ATP6V0A4: variants seen among roughly 807,000 people sequenced by gnomAD.
ATP6V0A4 encodes the protein V-type proton ATPase 116 kDa subunit a 4.
Under a neutral mutation model 107.3 loss-of-function variants are expected in ATP6V0A4, and 86 were observed. That is an observed-to-expected ratio of 0.80 (90% CI 0.67 to 0.96). The LOEUF (loss-of-function observed/expected upper bound fraction) is 0.96, where lower values mean the gene tolerates loss of function less well. Among genes scored for constraint, ATP6V0A4 ranks in the 40% least tolerant of loss-of-function variants. The pLI is 0.00. For synonymous variants in ATP6V0A4, 353 were observed against 381.4 expected (o/e 0.93, Z 0.87); for missense variants, 908 against 1,045.6 (o/e 0.87, Z 1.81).
chr7:138,713,511 C>T (rs930004544), intron 20 of ATP6V0A4, among the ~76,000 whole-genome samples: 1 of 152,062 alleles, frequency 6.6e-6, no homozygotes, highest in African/African-American at 2.4e-5. Context: ...AGGCATTATG[C>T]TCAGTGCCAG....
At chr7:138,772,890 G>A (rs1807466368) in intron 2 of ATP6V0A4, among the ~76,000 whole-genome samples, 1 of 152,150 alleles carries the variant, frequency 6.6e-6, no homozygotes, top group Non-Finnish European at 1.5e-5. Flanking sequence ...AGGTGGCAGG[G>A]AAGGACACCT....
chr7:138,771,968 T>G (rs1435949621), intron 2 of ATP6V0A4, among the ~76,000 whole-genome samples: 2 of 152,190 alleles, frequency 1.3e-5, no homozygotes, highest in African/African-American at 4.8e-5. Flanking sequence ...GTGGAGGGTA[T>G]GAGAAAACAG....
chr7:138,731,204 G>A (rs1804996925), intron 17 of ATP6V0A4, among the ~76,000 whole-genome samples: 1 of 152,112 alleles, frequency 6.6e-6, no homozygotes, highest in Non-Finnish European at 1.5e-5. Flanking sequence ...CAAAGTGATG[G>A]GATTACAGGC....
chr7:138,756,571 G>A (rs762904811), intron 8 of ATP6V0A4, 31 bp from the exon 9 acceptor site: 11 of 1,598,198 alleles, frequency 6.9e-6, no homozygotes, highest in African/African-American at 1.4e-5. Context: ...AAAAAAAAAG[G>A]GGGGGGTTTC....
At chr7:138,742,483 A>C (rs986804137) in intron 14 of ATP6V0A4, among the ~76,000 whole-genome samples, 15 of 152,202 alleles carry the variant, frequency 9.9e-5, no homozygotes, top group Non-Finnish European at 1.9e-4. Context: ...TATGAGTTTA[A>C]ATCTAAAGAG....
chr7:138,770,299 T>A (rs1807318070), intron 3 of ATP6V0A4, among the ~76,000 whole-genome samples: 1 of 152,076 alleles, frequency 6.6e-6, no homozygotes, highest in Middle Eastern at 3.4e-3. Flanking sequence ...AAAGGAAGTC[T>A]GTCCTCATCT....
intron 7 of ATP6V0A4, among the ~76,000 whole-genome samples, chr7:138,761,027 G>C (rs888146010): frequency 8.6e-5 from 13 of 151,644 alleles, no homozygotes; most frequent in African/African-American, 2.4e-4. Context: ...TGCTCAGGCT[G>C]ATCTCAAACT....
chr7:138,761,167 C>T (rs985319458), intron 7 of ATP6V0A4, among the ~76,000 whole-genome samples: 1 of 152,048 alleles, frequency 6.6e-6, no homozygotes, highest in Non-Finnish European at 1.5e-5. Context: ...GAGGCCTTGT[C>T]TCTACTAAAA....
intron 1 of ATP6V0A4, among the ~76,000 whole-genome samples, chr7:138,791,456 C>CA (rs1259766638): frequency 1.3e-5 from 2 of 152,112 alleles, no homozygotes; most frequent in Non-Finnish European, 2.9e-5. Context: ...TTATTAATAA[C>CA]ATCAAGCTCC....
chr7:138,735,141 C>T (rs1412505782), intron 15 of ATP6V0A4, among the ~76,000 whole-genome samples: 2 of 152,036 alleles, frequency 1.3e-5, no homozygotes, highest in Non-Finnish European at 2.9e-5. Context: ...ACTGGGTGGT[C>T]GTGCAGGGGG....
At chr7:138,747,372 A>G in intron 13 of ATP6V0A4, 53 bp downstream of exon 13, 1 of 1,576,310 alleles carries the variant, frequency 6.3e-7, no homozygotes, top group Admixed American at 1.7e-5. Flanking sequence ...AACCACATAC[A>G]GATTTTCATA....
At position 138,762,927 on chromosome 7, in the gene ATP6V0A4, G is replaced by C; in HGVS notation, c.390C>G (p.Leu130=). ...CAAAGAAGTCTTGGGTTTTCTTCAG[G>C]AGGTATTTCAGTTCTGTCAGTTCTA... The part of the protein sequence containing the change: ...SFLELTELKY[L]LKKTQDFFET... Residue 130 remains leucine (L), a synonymous_variant, in exon 6 of 22, where the codon CTC becomes CTG. Transcript: ENST00000310018. 6.2e-7 allele frequency: 1 copy of C among 1,614,012 alleles called. No homozygotes were observed. Among genetic ancestry groups the C allele is most frequent in the South Asian group, 1.1e-5 (1 of 91,076 alleles).
chr7:138,737,115 A>AATATATAT lies in ATP6V0A4; in HGVS notation c.1572+2417_1572+2424dup, dbSNP rs1554394380. On this transcript the variant is annotated intron_variant, in intron 15 of 21. Coordinates refer to ENST00000310018, the MANE Select transcript of ATP6V0A4 (RefSeq NM_020632.3). ...GTTATGTAAAAAGTAAGCCCTTATT[A>AATATATAT]ATATATATATATGATACAAACTAAC... Among the ~76,000 whole-genome samples the AATATATAT allele has an allele frequency of 4.6e-5, 4 of 86,718 alleles. No homozygotes were observed. In the Admixed American group the frequency reaches 5.9e-4, roughly 13 times the overall value. 56.9% of individuals were successfully genotyped at this position (86,718 alleles called of 152,430 possible). A position where few individuals can be genotyped will look rare whatever the true frequency, so the allele number is the denominator to read the frequency against.
At chr7:138,707,160 A>G in intron 21 of ATP6V0A4, among the ~76,000 whole-genome samples, 1 of 77,780 alleles carries the variant, frequency 1.3e-5, no homozygotes, top group Middle Eastern at 5.1e-3. Flanking sequence ...ATTAATATAT[A>G]ATATATTATA....
At chr7:138,774,600 T>A (rs922799936) in intron 2 of ATP6V0A4, among the ~76,000 whole-genome samples, 16 of 145,704 alleles carry the variant, frequency 1.1e-4, no homozygotes, top group East Asian at 2.0e-4. Context: ...TAAATAAATA[T>A]ATATATCTAT....
chr7:138,771,421 A>G lies in ATP6V0A4; in HGVS notation c.-17-157T>C, dbSNP rs28449329. ...GAGACTTTTTTTTTTTTTTTTTCTTAGACAGGGTCTCACTCTGTTGCCTGG... is the reference window on the plus strand; with the variant it reads ...GAGACTTTTTTTTTTTTTTTTTCTTGGACAGGGTCTCACTCTGTTGCCTGG... On this transcript the variant is annotated intron_variant, in intron 2 of 21. Coordinates refer to ENST00000310018, the MANE Select transcript of ATP6V0A4 (RefSeq NM_020632.3). 0.13 allele frequency: 43,925 copies of G among 348,662 alleles called. 3,781 individuals carry two copies. Among genetic ancestry groups the G allele is most frequent in the African/African-American group, 0.39 (12,180 of 31,602 alleles). 21.6% of individuals were successfully genotyped at this position (348,662 alleles called of 1,614,324 possible).
At chr7:138,787,716 G>A (rs991367698) in intron 1 of ATP6V0A4, among the ~76,000 whole-genome samples, 15 of 152,102 alleles carry the variant, frequency 9.9e-5, no homozygotes, top group African/African-American at 3.6e-4. Flanking sequence ...AGAAAAAAGA[G>A]GCCAGGAGCA....
At chr7:138,774,616 T>A (rs12670912) in intron 2 of ATP6V0A4, among the ~76,000 whole-genome samples, 1 of 146,230 alleles carries the variant, frequency 6.8e-6, no homozygotes, top group African/African-American at 2.5e-5. Context: ...TCTATATATA[T>A]AATATATTAT....
Position 138,759,808 on chromosome 7 carries a change from C to T in ATP6V0A4, c.583G>A (p.Gly195Arg), listed in dbSNP as rs1466698153. The part of the protein sequence containing the change: ...FERLLWRICR[G>R]NVYLKFSEMD... Reference sequence around the variant, plus strand: ...TCACTGAACTTCAAGTACACGTTTCCTCGGCAGATTCGCCACAGTAACCGC... The same window carrying T: ...TCACTGAACTTCAAGTACACGTTTCTTCGGCAGATTCGCCACAGTAACCGC... The change falls in exon 8 of 22, where the codon GGA becomes AGA. Residue 195 changes from glycine (G) to arginine (R), a missense_variant. Physicochemically the swap from Gly to Arg is moderately radical, Grantham distance 125. Transcript: ENST00000310018. The T allele has an allele frequency of 6.2e-7, 1 of 1,614,142 alleles. No individual in the cohort carries two copies. The highest frequency in any genetic ancestry group is 8.5e-7 in the Non-Finnish European group (1 of 1,180,036).
Sources: allele counts gnomAD v4.1 joint callset (sites outside exome capture counted in the v4.1 genomes callset), GRCh38; gene constraint gnomAD v4.1.1; transcripts MANE v1.5; gene names NCBI Gene and HGNC (gene_info 2026-07-23, HGNC 2026-07-21).